Variants in PIBF1 observed in about 807,000 individuals in gnomAD.
The protein encoded by PIBF1 is progesterone immunomodulatory binding factor 1.
A neutral mutation model predicts 112.5 loss-of-function variants in PIBF1; 90 were observed. The observed-to-expected ratio is 0.80, with a 90% CI of 0.67 to 0.95. The LOEUF is 0.95. Ranked by LOEUF, PIBF1 falls within the 40% of genes least tolerant of loss-of-function variation. PIBF1 has a pLI of 0.00. For missense variants in PIBF1, 915 were observed against 852.3 expected (o/e 1.07, Z -0.92); for synonymous variants, 301 against 288.6 (o/e 1.04, Z -0.44).
chr13:72,936,120 T>G (rs1298328204), intron 14 of PIBF1, among the ~76,000 whole-genome samples: 1 of 152,014 alleles, frequency 6.6e-6, no homozygotes, highest in East Asian at 1.9e-4. Flanking sequence ...CTCGAACTCT[T>G]GGACTCAAGA....
At chr13:72,882,922 T>C (rs2039701054) in intron 10 of PIBF1, among the ~76,000 whole-genome samples, 2 of 152,174 alleles carry the variant, frequency 1.3e-5, no homozygotes, top group Admixed American at 6.5e-5. Flanking sequence ...CTGGATCATA[T>C]GGTAGCTTTA....
At chr13:72,863,389 C>T (rs916326715) in intron 10 of PIBF1, among the ~76,000 whole-genome samples, 38 of 152,036 alleles carry the variant, frequency 2.5e-4, no homozygotes, top group Admixed American at 3.3e-4. Flanking sequence ...CGGTGGCTCA[C>T]GCCTGTAATC....
At chr13:72,853,944 T>G in intron 9 of PIBF1, 113 bp from the exon 10 acceptor site, 1 of 760,272 alleles carries the variant, frequency 1.3e-6, no homozygotes, top group Non-Finnish European at 2.2e-6. Context: ...GTGTACACTT[T>G]GGGTCCCCAA....
chr13:73,005,244 A>G (rs1473963056), intron 17 of PIBF1, among the ~76,000 whole-genome samples: 2 of 152,016 alleles, frequency 1.3e-5, no homozygotes, highest in Non-Finnish European at 2.9e-5. Context: ...TCTTCTTTTT[A>G]AAAACTTTTT....
chr13:72,899,840 G>A lies in PIBF1; in HGVS notation c.1488+5891G>A, dbSNP rs146963369. ...GTCCCTGTTTGCTGACCATATGATC[G>A]TTTACCTTGAAAACCCTAAGTACTA... On this transcript the variant is annotated intron_variant, in intron 11 of 17. Transcript: ENST00000326291. 4.3e-4 allele frequency among the ~76,000 whole-genome samples: 65 copies of A among 152,140 alleles called. 1 individual carries two copies. The East Asian group carries it at 8.9e-3, about 21-fold the overall frequency.
At chr13:72,901,363 T>TA (rs2040479118) in intron 11 of PIBF1, among the ~76,000 whole-genome samples, 1 of 152,098 alleles carries the variant, frequency 6.6e-6, no homozygotes, top group South Asian at 2.1e-4. Context: ...AGTACCCCCT[T>TA]ACTCCTGCAA....
intron 10 of PIBF1, among the ~76,000 whole-genome samples, chr13:72,865,784 TAGTAAAC>T (rs1167206235): frequency 1.3e-5 from 2 of 152,052 alleles, no homozygotes; most frequent in African/African-American, 4.8e-5. Context: ...ATGTTATACT[TAGTAAAC>T]AGTATATGAA....
At chr13:72,791,230 A>G (rs1338323564) in intron 2 of PIBF1, among the ~76,000 whole-genome samples, 3 of 151,558 alleles carry the variant, frequency 2.0e-5, no homozygotes, top group East Asian at 2.0e-4. Flanking sequence ...AATTTTTTGT[A>G]TTTTTAGTAG....
At chr13:72,880,779 A>G (rs1213092387) in intron 10 of PIBF1, among the ~76,000 whole-genome samples, 2 of 152,264 alleles carry the variant, frequency 1.3e-5, no homozygotes, top group East Asian at 3.9e-4. Flanking sequence ...TTTGTTCTAG[A>G]TCCCTTATTA....
In PIBF1 at chr13:72,975,584, G is replaced by A. The variant is rs540336476; in HGVS notation, c.2049+1909G>A. Among the ~76,000 whole-genome samples the A allele has an allele frequency of 2.6e-5, 4 of 152,274 alleles. No homozygotes were observed. The East Asian group carries it at 7.7e-4, about 29-fold the overall frequency. On this transcript the variant is annotated intron_variant, in intron 16 of 17. Coordinates refer to ENST00000326291, the MANE Select transcript of PIBF1 (RefSeq NM_006346.4). ...GGCATTGGAGTGAGTTCTCTTAAAG[G>A]TGTCTTCTATGTGATGGGTGAAAAG...
chr13:72,821,484 C>G (rs1308854657), intron 5 of PIBF1, among the ~76,000 whole-genome samples: 1 of 152,152 alleles, frequency 6.6e-6, no homozygotes, highest in Non-Finnish European at 1.5e-5. Context: ...TCCTCAAGAA[C>G]AGGAAGTGTG....
intron 15 of PIBF1, 31 bp from the exon 16 acceptor site, chr13:72,973,560 G>C (rs1594298021): frequency 8.9e-7 from 1 of 1,117,904 alleles, no homozygotes; most frequent in Non-Finnish European, 1.3e-6. Flanking sequence ...CTAACATAAT[G>C]ACTTTTTAAA....
intron 6 of PIBF1, among the ~76,000 whole-genome samples, chr13:72,822,809 A>G (rs1014713012): frequency 2.6e-5 from 4 of 152,248 alleles, no homozygotes; most frequent in African/African-American, 9.6e-5. Flanking sequence ...TACTCCCATT[A>G]TGACTGACAC....
chr13:73,008,605 C>T (rs530148822), intron 17 of PIBF1, among the ~76,000 whole-genome samples: 2 of 152,244 alleles, frequency 1.3e-5, no homozygotes, highest in South Asian at 4.1e-4. Flanking sequence ...GTGGATCTTA[C>T]ATTCATGGAT....
chr13:72,790,418 C>A, intron 2 of PIBF1, among the ~76,000 whole-genome samples: 1 of 102,974 alleles, frequency 9.7e-6, no homozygotes, highest in Admixed American at 1.4e-4. Context: ...TAGGAGGAGT[C>A]CATCACACAC....
chr13:72,819,568 T>C (rs2036446806), intron 5 of PIBF1, among the ~76,000 whole-genome samples: 1 of 152,094 alleles, frequency 6.6e-6, no homozygotes, highest in Non-Finnish European at 1.5e-5. Context: ...CAAACTTAGA[T>C]TGGAGTCCTC....
intron 14 of PIBF1, 61 bp from the exon 15 acceptor site, chr13:72,965,213 T>C: frequency 1.4e-6 from 2 of 1,431,252 alleles, no homozygotes; most frequent in South Asian, 2.4e-5. Context: ...CTAGAGCATT[T>C]TGAATGATTT....
intron 5 of PIBF1, among the ~76,000 whole-genome samples, chr13:72,812,922 C>T (rs1057001137): frequency 2.0e-4 from 31 of 151,884 alleles, no homozygotes; most frequent in African/African-American, 7.5e-4. Flanking sequence ...CCACTGTATT[C>T]CAGCCTGTGT....
chr13:72,966,870 C>G (rs944820815), intron 15 of PIBF1, among the ~76,000 whole-genome samples: 2 of 151,840 alleles, frequency 1.3e-5, no homozygotes, highest in Non-Finnish European at 1.5e-5. Context: ...GATCATTTCA[C>G]TGCACTCCAG....
Sources: gnomAD v4.1 joint callset for allele counts (sites outside exome capture counted in the v4.1 genomes callset) on GRCh38, gnomAD v4.1.1 for gene constraint, MANE v1.5 for transcripts, NCBI Gene and HGNC (gene_info 2026-07-23, HGNC 2026-07-21) for gene names.